Variants in DCUN1D1 observed in about 807,000 individuals in gnomAD.
DCUN1D1 encodes the protein defective in cullin neddylation 1 domain containing 1.
Under a neutral mutation model 39.0 loss-of-function variants are expected in DCUN1D1, and 3 were observed. That is an observed-to-expected ratio of 0.08 (90% CI 0.04 to 0.20). The LOEUF (loss-of-function observed/expected upper bound fraction) is 0.20, where lower values mean the gene tolerates loss of function less well. Ranked by LOEUF, DCUN1D1 falls within the 10% of genes least tolerant of loss-of-function variation. The pLI is 1.00. For synonymous variants in DCUN1D1, 82 were observed against 96.3 expected (o/e 0.85, Z 0.87); for missense variants, 158 against 302.4 (o/e 0.52, Z 3.54).
rs771365201 is a variant in DCUN1D1 at position 182,941,594 on chromosome 3, T to G, written c.*3500A>C. 1 of 152,114 alleles carries G rather than the reference T, an allele frequency of 6.6e-6. No homozygotes were observed. The highest frequency in any genetic ancestry group is 1.5e-5 in the Non-Finnish European group (1 of 67,960). The allele number at this position is 152,114 out of a possible 1,614,324, so 9.4% of individuals were successfully genotyped here. ...ACATTTTATCATTACATTATCAAAT[T>G]TGATAAAATCTTATGAAAACATCTA... On this transcript the variant is annotated 3_prime_UTR_variant, in exon 7 of 7. Coordinates refer to ENST00000292782, the MANE Select transcript of DCUN1D1 (RefSeq NM_020640.4).
rs1221926299 is a variant in DCUN1D1, at chr3:182,939,901, G to C, written c.*5193C>G. The C allele has an allele frequency of 2.0e-5, 3 of 152,104 alleles. No homozygotes were observed. The highest frequency in any genetic ancestry group is 7.2e-5 in the African/African-American group (3 of 41,424). The allele number at this position is 152,104 out of a possible 1,614,324, so 9.4% of individuals were successfully genotyped here. Reference sequence around the variant, plus strand: ...TACAAATCACTATTTTAAAGCTCTGGTTCATAGTTCGTTCATTTGATATAT... The same window carrying C: ...TACAAATCACTATTTTAAAGCTCTGCTTCATAGTTCGTTCATTTGATATAT... On this transcript the variant is annotated 3_prime_UTR_variant, in exon 7 of 7. Transcript: ENST00000292782.
intron 1 of DCUN1D1, among the ~76,000 whole-genome samples, chr3:182,970,076 CA>C: frequency 6.6e-6 from 1 of 152,108 alleles, no homozygotes; most frequent in Admixed American, 6.5e-5. Context: ...CTGGGTAACA[CA>C]ATGAGACTGT....
At chr3:182,952,214 C>T (rs1726790906) in intron 4 of DCUN1D1, among the ~76,000 whole-genome samples, 1 of 152,166 alleles carries the variant, frequency 6.6e-6, no homozygotes, top group African/African-American at 2.4e-5. Context: ...TCACTTCCTT[C>T]AGCTTCAATG....
intron 1 of DCUN1D1, among the ~76,000 whole-genome samples, chr3:182,973,746 G>A (rs1309339238): frequency 6.6e-6 from 1 of 151,308 alleles, no homozygotes; most frequent in Non-Finnish European, 1.5e-5. Flanking sequence ...GACAGAGGCT[G>A]CAGTGAGCTG....
At chr3:182,981,637 A>G (rs78054601), upstream of DCUN1D1, among the ~76,000 whole-genome samples, 2,589 of 152,352 alleles carry the variant, frequency 0.017, 86 homozygotes, top group African/African-American at 0.058. Flanking sequence ...GTTTCAGAAC[A>G]GGACCCACCT....
At chr3:182,982,752 C>T (rs1728598204), upstream of DCUN1D1, among the ~76,000 whole-genome samples, 1 of 152,122 alleles carries the variant, frequency 6.6e-6, no homozygotes, top group Admixed American at 6.5e-5. Flanking sequence ...AAGCGATTCT[C>T]CTGTCTCAGC....
chr3:182,974,910 G>A (rs555639937), intron 1 of DCUN1D1, among the ~76,000 whole-genome samples: 28 of 152,118 alleles, frequency 1.8e-4, no homozygotes, highest in African/African-American at 6.7e-4. Flanking sequence ...TTTTCTTGTG[G>A]GGGTGGGCGC....
intron 4 of DCUN1D1, chr3:182,956,164 G>A (rs1276012040): frequency 4.5e-6 from 1 of 219,866 alleles, no homozygotes. Context: ...CTGACCACAA[G>A]TGATCCACCC....
chr3:182,965,845 T>A, intron 1 of DCUN1D1, 92 bp from the exon 2 acceptor site: 1 of 792,422 alleles, frequency 1.3e-6, no homozygotes, highest in Non-Finnish European at 2.0e-6. Flanking sequence ...TTAGTAATAC[T>A]TTTTCCTCAC....
Position 182,944,085 on chromosome 3 carries a change from T to C in DCUN1D1, c.*1009A>G, listed in dbSNP as rs574334079. ...TGGCTCATTACAACCATTTTCAAAA[T>C]TTAACTGCAACTATCTTCTTATAAA... is the stretch of plus-strand genomic sequence containing the variant. On this transcript the variant is annotated 3_prime_UTR_variant, in exon 7 of 7. Transcript: ENST00000292782. 6.5e-6 allele frequency: 1 copy of C among 152,764 alleles called. No individual in the cohort carries two copies. The highest frequency in any genetic ancestry group is 2.1e-4 in the South Asian group (1 of 4,834). 9.5% of individuals were successfully genotyped at this position (152,764 alleles called of 1,614,324 possible).
chr3:182,973,733 G>A (rs545987742), intron 1 of DCUN1D1, among the ~76,000 whole-genome samples: 10 of 151,690 alleles, frequency 6.6e-5, no homozygotes, highest in African/African-American at 1.9e-4. Flanking sequence ...CCTGAACCCC[G>A]GAGACAGAGG....
intron 1 of DCUN1D1, among the ~76,000 whole-genome samples, chr3:182,971,444 A>C (rs1038554944): frequency 6.6e-6 from 1 of 152,054 alleles, no homozygotes; most frequent in African/African-American, 2.4e-5. Flanking sequence ...ATGGTGGTGC[A>C]TTCCTGGAGT....
intron 4 of DCUN1D1, among the ~76,000 whole-genome samples, chr3:182,955,111 G>C (rs1482600545): frequency 6.6e-6 from 1 of 151,850 alleles, no homozygotes; most frequent in Non-Finnish European, 1.5e-5. Flanking sequence ...TGCGATCTCG[G>C]CTCACTGCAA....
chr3:182,979,503 G>A (rs1361090173), intron 1 of DCUN1D1, among the ~76,000 whole-genome samples: 1 of 152,130 alleles, frequency 6.6e-6, no homozygotes, highest in African/African-American at 2.4e-5. Flanking sequence ...GCCAAACAGC[G>A]CTTCTGAAAC....
At chr3:182,978,724 A>G (rs916052483) in intron 1 of DCUN1D1, among the ~76,000 whole-genome samples, 1 of 152,242 alleles carries the variant, frequency 6.6e-6, no homozygotes, top group South Asian at 2.1e-4. Flanking sequence ...TTCTCATGAC[A>G]TAAACTGAGT....
rs1177734814 is a variant in DCUN1D1 at position 182,943,217 on chromosome 3, G to C, written c.*1877C>G. On this transcript the variant is annotated 3_prime_UTR_variant, in exon 7 of 7. Transcript: ENST00000292782. Reference sequence around the variant, plus strand: ...AATAACCATAACTCAAAATCTTCAAGACAGGAAACAAAACAGTACATATAT... The same window carrying C: ...AATAACCATAACTCAAAATCTTCAACACAGGAAACAAAACAGTACATATAT... The C allele has an allele frequency of 2.2e-5, 3 of 135,004 alleles. No homozygotes were observed. Among genetic ancestry groups the C allele is most frequent in the Middle Eastern group, 3.9e-3 (1 of 254 alleles). 8.4% of individuals were successfully genotyped at this position (135,004 alleles called of 1,614,324 possible).
At position 182,939,948 on chromosome 3, in the gene DCUN1D1, T is replaced by C. The variant is rs1180221096; in HGVS notation, c.*5146A>G. 2 of 152,196 alleles carry C rather than the reference T, an allele frequency of 1.3e-5. No individual in the cohort carries two copies. Among genetic ancestry groups the C allele is most frequent in the African/African-American group, 2.4e-5 (1 of 41,456 alleles). The allele number at this position is 152,196 out of a possible 1,614,324, so 9.4% of individuals were successfully genotyped here. The stretch of plus-strand genomic sequence containing the variant: ...ATATTCAACACAACGAAGTCTAATA[T>C]ACTATTAGGATTAAGAACATTAGCA... On this transcript the variant is annotated 3_prime_UTR_variant, in exon 7 of 7. Transcript: ENST00000292782.
chr3:182,975,547 T>C (rs1728187902), intron 1 of DCUN1D1, among the ~76,000 whole-genome samples: 1 of 151,932 alleles, frequency 6.6e-6, no homozygotes. Context: ...ATTTTTCAAT[T>C]ACTTAATGTT....
At chr3:182,975,208 G>A (rs923142189) in intron 1 of DCUN1D1, among the ~76,000 whole-genome samples, 1 of 141,228 alleles carries the variant, frequency 7.1e-6, no homozygotes, top group Admixed American at 7.3e-5. Flanking sequence ...ACAGGGTCCC[G>A]CTCTGTCGCC....
Sources: gnomAD v4.1 joint callset for allele counts (sites outside exome capture counted in the v4.1 genomes callset) on GRCh38, gnomAD v4.1.1 for gene constraint, MANE v1.5 for transcripts, NCBI Gene and HGNC (gene_info 2026-07-23, HGNC 2026-07-21) for gene names.